The following EDRF1 variants were observed in gnomAD, a reference collection of about 807,000 sequenced individuals.
EDRF1 encodes erythroid differentiation-related factor 1.
A neutral mutation model predicts 148.7 loss-of-function variants in EDRF1; 69 were observed. The observed-to-expected ratio is 0.46, with a 90% confidence interval of 0.38 to 0.57. EDRF1 has a LOEUF of 0.57. EDRF1 is among the 20% of genes least tolerant of loss of function. EDRF1 has a pLI of 0.00. For missense variants in EDRF1, 1,118 were observed against 1,478.7 expected, an observed-to-expected ratio of 0.76 and a Z score of 4.00; for synonymous variants, 515 against 532.8, an observed-to-expected ratio of 0.97 and a Z score of 0.46.
At chr10:125,730,952 T>G (rs1848457486) in intron 9 of EDRF1, among the ~76,000 whole-genome samples, 1 of 152,128 alleles carries the variant, frequency 6.6e-6, no homozygotes, top group African/African-American at 2.4e-5. Context: ...AAGACCAACC[T>G]GGGCAACGTA....
intron 15 of EDRF1, 94 bp downstream of exon 15, chr10:125,738,539 A>ACAT: frequency 6.9e-7 from 1 of 1,445,680 alleles, no homozygotes; most frequent in Non-Finnish European, 9.7e-7. Flanking sequence ...GCATTAATTG[A>ACAT]AAGGCATTGA....
Position 125,729,069 on chromosome 10 carries a change from C to G in EDRF1, c.859C>G (p.Leu287Val). The G allele has an allele frequency of 6.3e-7, 1 of 1,578,220 alleles. No individual in the cohort carries two copies. The highest frequency in any genetic ancestry group is 8.6e-7 in the Non-Finnish European group (1 of 1,169,478). Residue 287 changes from leucine (L) to valine (V), a missense_variant, in exon 7 of 25, where the codon CTG becomes GTG. Physicochemically the swap from Leu to Val is conservative, Grantham distance 32. This residue lies in a region of EDRF1 where 954 missense variants were observed against 1,241.4 expected (regional missense o/e 0.77). Transcript: ENST00000356792. ...HVASAPKEQNLITLFNDGEHS... is the reference protein window; with the variant it reads ...HVASAPKEQNVITLFNDGEHS... ...GGCCTCAGCCCCCAAAGAACAAAAC[C>G]TGATTACTTTATTCAATGACGGGGA... is the stretch of plus-strand genomic sequence containing the variant.
At chr10:125,742,246 C>A (rs551465649) in intron 17 of EDRF1, 34 of 1,289,358 alleles carry the variant, frequency 2.6e-5, no homozygotes, top group Non-Finnish European at 3.2e-5. Flanking sequence ...GTAGAATAAT[C>A]TGATCCGCAG....
rs777145168 is a variant in EDRF1 at position 125,763,398 on chromosome 10, A to G, written c.3643A>G (p.Arg1215Gly). 1.2e-6 allele frequency: 2 copies of G among 1,612,922 alleles called. No individual in the cohort carries two copies. Among genetic ancestry groups the G allele is most frequent in the South Asian group, 1.1e-5 (1 of 91,084 alleles). The change falls in exon 25 of 25, where the codon AGA becomes GGA. Residue 1215 changes from arginine to glycine, a missense_variant. Coordinates refer to ENST00000356792, the MANE Select transcript of EDRF1 (RefSeq NM_001202438.2). The surrounding 1 kb of genome is among the most constrained non-coding windows in gnomAD (Gnocchi z 4.3). Reference sequence around the variant, plus strand: ...AAATAAAACCGCGACTCTTCTGGAAAGAATCAACGTTATCGTCCACCTGCT... The same window carrying G: ...AAATAAAACCGCGACTCTTCTGGAAGGAATCAACGTTATCGTCCACCTGCT... ...TANKTATLLE[R>G]INVIVHLLGQ...
At chr10:125,748,181 A>G (rs1849462859) in intron 21 of EDRF1, 169 bp downstream of exon 21, 5 of 767,572 alleles carry the variant, frequency 6.5e-6, no homozygotes, top group Non-Finnish European at 8.8e-6. Flanking sequence ...TGCCACTTAA[A>G]CAATATGTCC....
chr10:125,727,183 CA>C (rs1848296458), intron 6 of EDRF1, among the ~76,000 whole-genome samples: 1 of 152,192 alleles, frequency 6.6e-6, no homozygotes, highest in African/African-American at 2.4e-5. Flanking sequence ...CCTGTTCCTC[CA>C]GCAGTACTCC....
At chr10:125,747,386 C>G in intron 19 of EDRF1, 150 bp from the exon 20 acceptor site, 1 of 906,152 alleles carries the variant, frequency 1.1e-6, no homozygotes, top group South Asian at 1.5e-5. Context: ...CATTGACTTA[C>G]TTTTTTCATT....
Position 125,743,156 on chromosome 10 carries a change from G to C in EDRF1, c.2470G>C (p.Asp824His), listed in dbSNP as rs1248526557. ...TGCTAATGAAATCTTGCAGTTTAGTGACTTGAAAAGCCAAAATCCAGAACA... is the reference window on the plus strand; with the variant it reads ...TGCTAATGAAATCTTGCAGTTTAGTCACTTGAAAAGCCAAAATCCAGAACA... ...EAANEILQFS[D>H]LKSQNPEHYV... The change falls in exon 18 of 25, where the codon GAC (aspartate) becomes CAC (histidine). Residue 824 changes from aspartate to histidine, a missense_variant. Transcript: ENST00000356792. The C allele has an allele frequency of 6.2e-7, 1 of 1,613,912 alleles. No homozygotes were observed.
chr10:125,759,945 C>G (rs915848445), intron 24 of EDRF1, among the ~76,000 whole-genome samples: 13 of 152,222 alleles, frequency 8.5e-5, no homozygotes, highest in African/African-American at 3.1e-4. Flanking sequence ...CTTCTGACCT[C>G]ATGATCCACC....
chr10:125,735,124 G>T (rs1297527816), intron 12 of EDRF1, among the ~76,000 whole-genome samples: 5 of 152,016 alleles, frequency 3.3e-5, no homozygotes, highest in Admixed American at 6.6e-5. Context: ...TAGTAGAATG[G>T]GTTAAATGGT....
intron 9 of EDRF1, among the ~76,000 whole-genome samples, chr10:125,730,902 A>C (rs1361521870): frequency 6.6e-6 from 1 of 152,204 alleles, no homozygotes; most frequent in Non-Finnish European, 1.5e-5. Context: ...CAAGCTACTC[A>C]GGAGACTGAG....
At chr10:125,729,608 C>T in intron 8 of EDRF1, 129 bp downstream of exon 8, 1 of 1,179,978 alleles carries the variant, frequency 8.5e-7, no homozygotes, top group Non-Finnish European at 1.3e-6. Context: ...GGCGAAAGAG[C>T]AAGACTCGTC....
At chr10:125,733,781 A>G (rs1162741374) in intron 11 of EDRF1, 38 bp downstream of exon 11, 4 of 1,553,516 alleles carry the variant, frequency 2.6e-6, no homozygotes, top group African/African-American at 2.7e-5. Flanking sequence ...GAAGTAGCCT[A>G]TTATATAAAG....
intron 9 of EDRF1, among the ~76,000 whole-genome samples, chr10:125,730,709 G>A (rs992763261): frequency 3.3e-5 from 5 of 152,152 alleles, no homozygotes; most frequent in South Asian, 2.1e-4. Flanking sequence ...CAATGGAGGC[G>A]TTTCTTCGTT....
intron 24 of EDRF1, chr10:125,761,244 A>C (rs981650256): frequency 1.2e-5 from 5 of 411,910 alleles, no homozygotes; most frequent in Admixed American, 8.3e-5. Flanking sequence ...CAGGCATTTC[A>C]TCATCATATG....
chr10:125,730,087 A>G (rs1169547777), intron 8 of EDRF1, among the ~76,000 whole-genome samples: 3 of 152,240 alleles, frequency 2.0e-5, no homozygotes, highest in African/African-American at 7.2e-5. Context: ...AGTTAGAAAT[A>G]CAAGCAAGCT....
In EDRF1 at chr10:125,734,088, A is replaced by G; in HGVS notation, c.1402A>G (p.Met468Val). 6.2e-7 allele frequency: 1 copy of G among 1,613,064 alleles called. No individual in the cohort carries two copies. The highest frequency in any genetic ancestry group is 8.5e-7 in the Non-Finnish European group (1 of 1,179,114). ...ILLYKVACNM[M>V]MKKNQNKKHY... ...TTTTTTTAGGGTTGCTTGCAACATG[A>G]TGATGAAGAAGAATCAAAATAAGAA... is the stretch of plus-strand genomic sequence containing the variant. The change falls in exon 12 of 25, where the codon ATG (methionine) becomes GTG (valine). Residue 468 changes from methionine (M) to valine (V), a missense_variant. By Grantham distance (21) the Met-to-Val change is conservative. Around this residue, in one of 3 missense-constraint regions of EDRF1, gnomAD observed 954 missense variants for 1,241.4 expected, o/e 0.77. Transcript: ENST00000356792.
rs781375938 is a variant in EDRF1, at chr10:125,747,493, G to A, written c.2815-43G>A. On this transcript the variant is annotated intron_variant, in intron 19 of 24. Transcript: ENST00000356792. ...TTATTTTAATGCAGTATTGGTATAT[G>A]TTTAAGCTGAGTCAGAAATGTACAC... The A allele has an allele frequency of 6.8e-6, 11 of 1,608,084 alleles. 1 individual carries two copies. The South Asian group carries it at 9.9e-5, about 14-fold the overall frequency.
rs562373527 is a variant in EDRF1, at chr10:125,738,246, A to T, written c.1831-49A>T. 1.1e-5 allele frequency: 18 copies of T among 1,606,884 alleles called. No individual in the cohort carries two copies. In the East Asian group the frequency reaches 4.0e-4, roughly 36 times the overall value. On this transcript the variant is annotated intron_variant, in intron 14 of 24. Coordinates refer to ENST00000356792, the MANE Select transcript of EDRF1 (RefSeq NM_001202438.2). Reference sequence around the variant, plus strand: ...AGATACTGTCTTATATTTAGTTTTCAGTTGACCTGAAGTTAGATAGATAGT... The same window carrying T: ...AGATACTGTCTTATATTTAGTTTTCTGTTGACCTGAAGTTAGATAGATAGT...
Sources: allele counts gnomAD v4.1 joint callset (sites outside exome capture counted in the v4.1 genomes callset), GRCh38; gene constraint gnomAD v4.1.1; regional missense constraint gnomAD v4.1.1; non-coding constraint Gnocchi (gnomAD v3.1); transcripts MANE v1.5; gene names NCBI Gene and HGNC (gene_info 2026-07-23, HGNC 2026-07-21).